The following MYO18B variants were observed in gnomAD, a reference collection of about 807,000 sequenced individuals.
MYO18B encodes the protein unconventional myosin-XVIIIb.
Under a neutral mutation model 273.0 loss-of-function variants are expected in MYO18B, and 204 were observed. The observed-to-expected ratio is 0.75, with a 90% CI of 0.67 to 0.84. The LOEUF is 0.84. MYO18B is among the 40% of genes least tolerant of loss of function. The pLI, the probability that MYO18B is intolerant of heterozygous loss-of-function variation, is 0.00. For synonymous variants in MYO18B, 1,330 were observed against 1,305.7 expected (o/e 1.02, Z -0.40); for missense variants, 3,212 against 3,287.6 (o/e 0.98, Z 0.56).
chr22:25,890,160 G>T (rs1316732976), intron 25 of MYO18B, among the ~76,000 whole-genome samples: 1 of 152,196 alleles, frequency 6.6e-6, no homozygotes, highest in African/African-American at 2.4e-5. Context: ...TAACTGAATA[G>T]ATAGCTATGG....
chr22:25,781,701 C>G, intron 9 of MYO18B, 33 bp from the exon 10 acceptor site: 1 of 1,452,856 alleles, frequency 6.9e-7, no homozygotes, highest in Non-Finnish European at 9.2e-7. Flanking sequence ...GTACCCAAAG[C>G]ACTGACTGGG....
At chr22:25,902,561 C>T (rs2091959386) in intron 29 of MYO18B, 52 bp from the exon 30 acceptor site, 1 of 1,568,682 alleles carries the variant, frequency 6.4e-7, no homozygotes. Flanking sequence ...GCCTCAATCA[C>T]TCCCCTGCCC....
intron 11 of MYO18B, among the ~76,000 whole-genome samples, chr22:25,792,830 A>T (rs2087739630): frequency 6.6e-6 from 1 of 152,024 alleles, no homozygotes; most frequent in Non-Finnish European, 1.5e-5. Flanking sequence ...CCGTTCCGGG[A>T]GGCAGAGGGG....
At chr22:26,007,789 C>G (rs1167262360) in intron 42 of MYO18B, among the ~76,000 whole-genome samples, 1 of 152,158 alleles carries the variant, frequency 6.6e-6, no homozygotes, top group African/African-American at 2.4e-5. Context: ...GTACAGGTGT[C>G]TTGACTTCTA....
At chr22:26,049,088 G>A in the MYO18B span, among the ~76,000 whole-genome samples, 4 of 150,672 alleles carry the variant, frequency 2.7e-5, no homozygotes, top group Non-Finnish European at 5.9e-5. Context: ...TCTAAAATCT[G>A]AAAAAAAAAG....
chr22:25,948,424 TTCC>T (rs1409938025), intron 36 of MYO18B, among the ~76,000 whole-genome samples: 2 of 112,614 alleles, frequency 1.8e-5, no homozygotes, highest in Middle Eastern at 4.1e-3. Context: ...CCTTCCTTCC[TTCC>T]TTCCTTCCTT....
chr22:26,003,364 C>A, intron 41 of MYO18B, 55 bp downstream of exon 41: 1 of 1,507,870 alleles, frequency 6.6e-7, no homozygotes, highest in Non-Finnish European at 9.1e-7. Flanking sequence ...CCCTGGCTCT[C>A]TCTGTCCAGT....
chr22:25,876,094 C>A, intron 23 of MYO18B, 95 bp from the exon 24 acceptor site: 3 of 1,269,154 alleles, frequency 2.4e-6, no homozygotes, highest in Non-Finnish European at 3.3e-6. Flanking sequence ...AACCCCACTT[C>A]CTCCAGCCCC....
At chr22:25,802,765 A>AAAC (rs2088268924) in intron 12 of MYO18B, among the ~76,000 whole-genome samples, 1 of 90,662 alleles carries the variant, frequency 1.1e-5, no homozygotes, top group African/African-American at 3.6e-5. Context: ...AAAAAAAAAA[A>AAAC]AAAAAAAAAA....
chr22:25,925,676 G>A (rs555683539), intron 34 of MYO18B, among the ~76,000 whole-genome samples: 5 of 152,014 alleles, frequency 3.3e-5, no homozygotes, highest in African/African-American at 1.2e-4. Context: ...AGGCTGAGGC[G>A]GGTGGATCAC....
chr22:25,891,161 G>T, intron 26 of MYO18B, 143 bp from the exon 27 acceptor site: 2 of 721,242 alleles, frequency 2.8e-6, no homozygotes. Flanking sequence ...GCCGAAGGTG[G>T]CTAGCCCATG....
intron 34 of MYO18B, among the ~76,000 whole-genome samples, chr22:25,940,098 G>A (rs751971969): frequency 2.6e-5 from 4 of 152,122 alleles, no homozygotes; most frequent in Admixed American, 6.5e-5. Flanking sequence ...CTCAATGAAC[G>A]CAAATCATTT....
At chr22:26,055,971 A>C in the MYO18B span, among the ~76,000 whole-genome samples, 1 of 152,198 alleles carries the variant, frequency 6.6e-6, no homozygotes, top group African/African-American at 2.4e-5. Flanking sequence ...AAGCAAAAGC[A>C]TTAATCTGTT....
intron 8 of MYO18B, among the ~76,000 whole-genome samples, chr22:25,778,829 G>A (rs778027366): frequency 1.3e-5 from 2 of 150,860 alleles, no homozygotes; most frequent in Admixed American, 1.3e-4. Context: ...AGCCCTATAA[G>A]GTAGGTATTA....
At chr22:25,915,437 G>T (rs988262304) in intron 33 of MYO18B, among the ~76,000 whole-genome samples, 1 of 152,190 alleles carries the variant, frequency 6.6e-6, no homozygotes, top group Non-Finnish European at 1.5e-5. Flanking sequence ...TTGTGACACA[G>T]TGGTAAGTAT....
rs190501537 is a variant in MYO18B at position 25,823,846 on chromosome 22, A to G, written c.2695+168A>G. ...ATCGTGGGTGGAAAGGGACCGGTCAATGCTAATGCTCAAATAACTATCTCC... is the reference window on the plus strand; with the variant it reads ...ATCGTGGGTGGAAAGGGACCGGTCAGTGCTAATGCTCAAATAACTATCTCC... On this transcript the variant is annotated intron_variant, in intron 13 of 43. Transcript: ENST00000335473. Among the ~76,000 whole-genome samples the G allele has an allele frequency of 2.5e-3, 386 of 152,288 alleles. 2 individuals are homozygous for G. Among genetic ancestry groups the G allele is most frequent in the Non-Finnish European group, 4.5e-3 (306 of 68,008 alleles).
intron 21 of MYO18B, among the ~76,000 whole-genome samples, chr22:25,854,860 GA>G (rs1480487408): frequency 6.6e-6 from 1 of 152,172 alleles, no homozygotes; most frequent in Non-Finnish European, 1.5e-5. Flanking sequence ...TCCTGAGGCT[GA>G]AAAATATTCC....
At chr22:25,819,182 G>C (rs531692434) in intron 12 of MYO18B, among the ~76,000 whole-genome samples, 1 of 152,282 alleles carries the variant, frequency 6.6e-6, no homozygotes, top group East Asian at 1.9e-4. Context: ...AAAGCTCCCT[G>C]TGTGCCCACC....
chr22:26,027,078 G>C lies in MYO18B; in HGVS notation c.7104G>C (p.Pro2368=), dbSNP rs779061876. The C allele has an allele frequency of 6.8e-6, 11 of 1,613,854 alleles. No individual in the cohort carries two copies. The highest frequency in any genetic ancestry group is 9.3e-6 in the Non-Finnish European group (11 of 1,179,890). ...GCATGGGGAGAAAACTGAGCTCTCC[G>C]ACCACACCCAGGGACATGCTGTTGT... ...RPSMGRKLSS[P]TTPRDMLLSP... Residue 2368 remains proline (P), a synonymous_variant, in exon 43 of 44, where the codon CCG becomes CCC. Transcript: ENST00000335473. The surrounding 1 kb of genome is among the most constrained non-coding windows in gnomAD (Gnocchi z 4.1).
Sources: gnomAD v4.1 joint callset for allele counts (sites outside exome capture counted in the v4.1 genomes callset) on GRCh38, gnomAD v4.1.1 for gene constraint, Gnocchi (gnomAD v3.1) non-coding constraint, MANE v1.5 for transcripts, NCBI Gene and HGNC (gene_info 2026-07-23, HGNC 2026-07-21) for gene names.